CSMD1: variants seen among roughly 807,000 people sequenced by gnomAD.
CSMD1 encodes CUB and sushi domain-containing protein 1.
Under a neutral mutation model 417.5 loss-of-function variants are expected in CSMD1, and 213 were observed. The ratio of observed to expected loss-of-function variants is 0.51; its 90% CI spans 0.46 to 0.57. CSMD1 has a LOEUF of 0.57. Among genes scored for constraint, CSMD1 ranks in the 20% least tolerant of loss-of-function variants. CSMD1 has a pLI of 0.00. For missense variants in CSMD1, 6,923 were observed against 4,529.7 expected (o/e 1.53, Z -15.17); for synonymous variants, 2,862 against 1,736.8 (o/e 1.65, Z -16.11).
chr8:3,291,139 G>T (rs548771282), intron 25 of CSMD1, among the ~76,000 whole-genome samples: 2 of 152,066 alleles, frequency 1.3e-5, no homozygotes, highest in East Asian at 1.9e-4. Flanking sequence ...ATTGATTTTC[G>T]TATGTTGAAG....
intron 1 of CSMD1, among the ~76,000 whole-genome samples, chr8:4,966,325 G>C (rs1375657108): frequency 1.3e-5 from 2 of 152,084 alleles, no homozygotes; most frequent in Non-Finnish European, 2.9e-5. Context: ...GTTGCAGTGA[G>C]CCAAGATCAC....
intron 3 of CSMD1, among the ~76,000 whole-genome samples, chr8:4,398,052 A>C (rs1397100832): frequency 1.3e-5 from 2 of 152,174 alleles, no homozygotes; most frequent in African/African-American, 4.8e-5. Context: ...TCTCTCTAGA[A>C]ATATCAAATA....
chr8:3,700,817 T>A (rs1387941061), intron 7 of CSMD1, among the ~76,000 whole-genome samples: 1 of 151,966 alleles, frequency 6.6e-6, no homozygotes, highest in Non-Finnish European at 1.5e-5. Flanking sequence ...GTTCTTTGGG[T>A]CTTCATAAGG....
chr8:3,265,998 T>C (rs958926655), intron 26 of CSMD1, among the ~76,000 whole-genome samples: 19 of 151,962 alleles, frequency 1.3e-4, no homozygotes, highest in African/African-American at 3.4e-4. Flanking sequence ...AATGAACTTA[T>C]CTAATTGGCA....
chr8:4,008,990 G>A (rs745907330), intron 4 of CSMD1, among the ~76,000 whole-genome samples: 1 of 151,954 alleles, frequency 6.6e-6, no homozygotes, highest in Non-Finnish European at 1.5e-5. Flanking sequence ...ATCGTCAGTG[G>A]GTAGGTTTTG....
intron 1 of CSMD1, among the ~76,000 whole-genome samples, chr8:4,955,574 G>C (rs1410398084): frequency 6.6e-6 from 1 of 151,924 alleles, no homozygotes; most frequent in Admixed American, 6.6e-5. Flanking sequence ...TCCTGCCTCA[G>C]CCTCCCGAGT....
chr8:3,405,550 T>C (rs1485820350), intron 15 of CSMD1, among the ~76,000 whole-genome samples: 1 of 152,172 alleles, frequency 6.6e-6, no homozygotes, highest in Non-Finnish European at 1.5e-5. Context: ...CCTCAGATGG[T>C]GACTGTATTT....
At chr8:3,320,845 T>G (rs1019014836) in intron 23 of CSMD1, among the ~76,000 whole-genome samples, 4 of 152,194 alleles carry the variant, frequency 2.6e-5, no homozygotes, top group African/African-American at 4.8e-5. Context: ...ATCCTGCCTA[T>G]GGGGATACAA....
intron 2 of CSMD1, among the ~76,000 whole-genome samples, chr8:4,456,543 A>G (rs12680987): frequency 6.6e-6 from 1 of 152,192 alleles, no homozygotes; most frequent in Non-Finnish European, 1.5e-5. Context: ...CAGTAGTGAC[A>G]CCACTTTGGG....
intron 12 of CSMD1, among the ~76,000 whole-genome samples, chr8:3,430,358 G>C (rs1343836381): frequency 6.6e-6 from 1 of 152,038 alleles, no homozygotes; most frequent in East Asian, 1.9e-4. Flanking sequence ...TTTTAAACTA[G>C]ATTATAAACA....
At chr8:3,914,353 C>G (rs1357078866) in intron 5 of CSMD1, among the ~76,000 whole-genome samples, 1 of 151,644 alleles carries the variant, frequency 6.6e-6, no homozygotes, top group African/African-American at 2.4e-5. Context: ...AGGATGTGTC[C>G]CATTACGTTG....
intron 1 of CSMD1, among the ~76,000 whole-genome samples, chr8:4,984,519 AAC>A (rs1467543710): frequency 6.6e-6 from 1 of 152,162 alleles, no homozygotes; most frequent in East Asian, 1.9e-4. Context: ...GCTAATGAAA[AAC>A]ACAAAGTTTT....
At chr8:3,040,872 T>C (rs1310069607) in intron 50 of CSMD1, among the ~76,000 whole-genome samples, 2 of 152,222 alleles carry the variant, frequency 1.3e-5, no homozygotes, top group Non-Finnish European at 2.9e-5. Context: ...TCTGTTAGAA[T>C]ATTTCTGAGT....
chr8:4,613,742 G>C (rs985369469), intron 2 of CSMD1, among the ~76,000 whole-genome samples: 1 of 151,774 alleles, frequency 6.6e-6, no homozygotes, highest in Admixed American at 6.6e-5. Flanking sequence ...ATTCTAATTT[G>C]GATCTTTAAC....
intron 10 of CSMD1, among the ~76,000 whole-genome samples, chr8:3,515,725 C>T (rs1035966474): frequency 7.2e-5 from 11 of 152,182 alleles, no homozygotes; most frequent in African/African-American, 2.7e-4. Context: ...ATTCAGCATT[C>T]ATTAATTCAG....
chr8:3,763,385 C>G (rs1042865540), intron 5 of CSMD1, among the ~76,000 whole-genome samples: 1 of 152,084 alleles, frequency 6.6e-6, no homozygotes, highest in African/African-American at 2.4e-5. Context: ...GTGCCTTCCC[C>G]ATGGTAATGA....
At chr8:3,934,236 A>T (rs1203218580) in intron 5 of CSMD1, among the ~76,000 whole-genome samples, 1 of 152,230 alleles carries the variant, frequency 6.6e-6, no homozygotes, top group Non-Finnish European at 1.5e-5. Context: ...ATGAAAACTG[A>T]TGAACTTGCT....
At chr8:4,381,739 C>G (rs760656883) in intron 3 of CSMD1, among the ~76,000 whole-genome samples, 1 of 152,050 alleles carries the variant, frequency 6.6e-6, no homozygotes, top group African/African-American at 2.4e-5. Context: ...CTTTAGGCTT[C>G]GATGCTATGT....
intron 3 of CSMD1, among the ~76,000 whole-genome samples, chr8:4,283,975 G>A (rs887219656): frequency 6.6e-6 from 1 of 152,162 alleles, no homozygotes; most frequent in Non-Finnish European, 1.5e-5. Flanking sequence ...GCTCACACTT[G>A]TAATCGTAGC....
Sources: allele counts gnomAD v4.1 joint callset (sites outside exome capture counted in the v4.1 genomes callset), GRCh38; gene constraint gnomAD v4.1.1; transcripts MANE v1.5; gene names NCBI Gene and HGNC (gene_info 2026-07-23, HGNC 2026-07-21).